Variants in AGXT2 observed in about 807,000 individuals in gnomAD.
AGXT2 encodes alanine--glyoxylate aminotransferase 2, mitochondrial.
Under a neutral mutation model 62.5 loss-of-function variants are expected in AGXT2, and 61 were observed. That is an observed-to-expected ratio of 0.98 (90% CI 0.79 to 1.21). The LOEUF (loss-of-function observed/expected upper bound fraction) is 1.21. Ranked by LOEUF, AGXT2 falls within the 50% of genes most tolerant of loss-of-function variation. The pLI is 0.00. For missense variants in AGXT2, 666 were observed against 641.5 expected (o/e 1.04, Z -0.41); for synonymous variants, 243 against 218.7 (o/e 1.11, Z -0.98).
intron 9 of AGXT2, among the ~76,000 whole-genome samples, chr5:35,018,645 C>A (rs1448179505): frequency 1.3e-5 from 2 of 151,490 alleles, no homozygotes; most frequent in African/African-American, 4.9e-5. Flanking sequence ...ACCATCGAGA[C>A]TAGGAAGAAA....
At chr5:35,034,917 G>A (rs1057303702) in intron 5 of AGXT2, among the ~76,000 whole-genome samples, 8 of 152,118 alleles carry the variant, frequency 5.3e-5, no homozygotes, top group East Asian at 3.9e-4. Flanking sequence ...TGTGGTCCCC[G>A]CCACATCTTC....
At chr5:35,045,981 A>G (rs1003273596) in intron 1 of AGXT2, among the ~76,000 whole-genome samples, 1 of 151,812 alleles carries the variant, frequency 6.6e-6, no homozygotes, top group Non-Finnish European at 1.5e-5. Flanking sequence ...GTTAGCCAGG[A>G]TGGTCTCGAT....
At chr5:35,007,008 G>C (rs911791633) in intron 12 of AGXT2, among the ~76,000 whole-genome samples, 5 of 152,186 alleles carry the variant, frequency 3.3e-5, no homozygotes, top group Admixed American at 2.6e-4. Flanking sequence ...CAGAGTGAAT[G>C]TTTGTGTCCC....
chr5:35,019,051 CA>C (rs1766962546), intron 9 of AGXT2, among the ~76,000 whole-genome samples: 1 of 89,922 alleles, frequency 1.1e-5, no homozygotes, highest in African/African-American at 6.5e-5. Flanking sequence ...GCACCCAATA[CA>C]GGAGCACCCA....
intron 9 of AGXT2, among the ~76,000 whole-genome samples, chr5:35,021,464 CA>C (rs1330774528): frequency 1.3e-5 from 2 of 150,378 alleles, no homozygotes; most frequent in African/African-American, 4.9e-5. Flanking sequence ...GAAAAACAAG[CA>C]ATGGGGAAAG....
At chr5:35,001,956 G>C (rs1054569940) in intron 13 of AGXT2, among the ~76,000 whole-genome samples, 4 of 152,022 alleles carry the variant, frequency 2.6e-5, no homozygotes, top group Admixed American at 6.5e-5. Flanking sequence ...TATTAGGTTG[G>C]TGCAAAAGTA....
chr5:35,022,747 T>TA (rs58539576), intron 9 of AGXT2, among the ~76,000 whole-genome samples: 67,234 of 137,716 alleles, frequency 0.49, 16,772 homozygotes, highest in Non-Finnish European at 0.56. Context: ...AAGAGAGAAG[T>TA]AAAAAAAAAA....
intron 6 of AGXT2, 81 bp from the exon 7 acceptor site, chr5:35,032,906 A>G (rs1281611544): frequency 9.0e-7 from 1 of 1,117,234 alleles, no homozygotes; most frequent in African/African-American, 1.5e-5. Context: ...TGCCATCAAG[A>G]CAAGAGGGCT....
chr5:35,009,637 C>T (rs1159778517), intron 12 of AGXT2, among the ~76,000 whole-genome samples: 1 of 152,126 alleles, frequency 6.6e-6, no homozygotes, highest in Non-Finnish European at 1.5e-5. Flanking sequence ...CTCCTCACCC[C>T]AAACCTTCAC....
At position 35,039,468 on chromosome 5, in the gene AGXT2, T is replaced by C. The variant is rs1032127857; in HGVS notation, c.218A>G (p.His73Arg). The C allele has an allele frequency of 3.7e-6, 6 of 1,614,084 alleles. No individual in the cohort carries two copies. The East Asian group carries it at 8.9e-5, about 24-fold the overall frequency. The change falls in exon 3 of 14, where the codon CAT becomes CGT. Residue 73 changes from histidine (H) to arginine (R), a missense_variant. Transcript: ENST00000231420. ...YNRVLEIHKEHLSPVVTAYFQ... is the reference protein window; with the variant it reads ...YNRVLEIHKERLSPVVTAYFQ... Reference sequence around the variant, plus strand: ...ATATGCCGTCACCACAGGAGAAAGATGTTCCTTGTGGATTTCCAGGACACG... The same window carrying C: ...ATATGCCGTCACCACAGGAGAAAGACGTTCCTTGTGGATTTCCAGGACACG...
intron 11 of AGXT2, among the ~76,000 whole-genome samples, chr5:35,011,455 T>C (rs1462378178): frequency 1.9e-5 from 2 of 103,042 alleles, no homozygotes; most frequent in Middle Eastern, 3.8e-3. Context: ...GCAAGACTCT[T>C]TCTAAAAAAA....
At chr5:35,013,176 ATAG>A in intron 10 of AGXT2, 131 bp from the exon 11 acceptor site, 1 of 819,244 alleles carries the variant, frequency 1.2e-6, no homozygotes. Context: ...CATTCAACTG[ATAG>A]TAGATGTTAG....
In AGXT2 at chr5:35,035,352, T is replaced by G. The variant is rs754429001; in HGVS notation, c.487-36A>C. ...AAGGAAGACACGTGGCCTCATAATT[T>G]ATTTCCTTATTACCCATTCACTTAA... On this transcript the variant is annotated intron_variant, in intron 4 of 13. Coordinates refer to ENST00000231420, the MANE Select transcript of AGXT2 (RefSeq NM_031900.4). The G allele has an allele frequency of 3.2e-6, 5 of 1,553,130 alleles. No individual in the cohort carries two copies. In the Admixed American group the frequency reaches 8.3e-5, roughly 26 times the overall value.
chr5:34,998,759 C>T lies in AGXT2; in HGVS notation c.1505G>A (p.Arg502His), dbSNP rs1240390538. The change falls in exon 14 of 14, where the codon CGT becomes CAT. Residue 502 changes from arginine (R) to histidine (H), a missense_variant. By Grantham distance (29) the Arg-to-His change is conservative. Coordinates refer to ENST00000231420, the MANE Select transcript of AGXT2 (RefSeq NM_031900.4). ...PEVDFAVEVF[R>H]SALTQHMERR... ...TTCCATGTGTTGGGTTAAGGCAGAACGAAATACTTCTACTGCAAAATCAAC... is the reference window on the plus strand; with the variant it reads ...TTCCATGTGTTGGGTTAAGGCAGAATGAAATACTTCTACTGCAAAATCAAC... 14 of 1,613,816 alleles carry T rather than the reference C, an allele frequency of 8.7e-6. No individual in the cohort carries two copies. Among genetic ancestry groups the T allele is most frequent in the Admixed American group, 6.7e-5 (4 of 60,000 alleles).
intron 1 of AGXT2, among the ~76,000 whole-genome samples, chr5:35,043,108 C>A (rs1283229902): frequency 6.6e-6 from 1 of 152,172 alleles, no homozygotes; most frequent in Non-Finnish European, 1.5e-5. Context: ...CAGTTCACTG[C>A]AACTTTATTT....
At chr5:35,038,873 C>A (rs899568688) in intron 3 of AGXT2, among the ~76,000 whole-genome samples, 4 of 152,186 alleles carry the variant, frequency 2.6e-5, no homozygotes, top group African/African-American at 9.7e-5. Context: ...GCATCTGTCT[C>A]TTATCATTCT....
At chr5:35,022,556 CA>C in intron 9 of AGXT2, among the ~76,000 whole-genome samples, 1 of 120,704 alleles carries the variant, frequency 8.3e-6, no homozygotes, top group Non-Finnish European at 1.6e-5. Context: ...GGGAGCATCA[CA>C]GTCTAGGGAC....
intron 7 of AGXT2, among the ~76,000 whole-genome samples, chr5:35,029,256 G>A (rs75507118): frequency 0.034 from 5,116 of 152,208 alleles, 117 homozygotes; most frequent in Admixed American, 0.05. Flanking sequence ...AGCTTCAGAT[G>A]ACCCTAAAAG....
intron 1 of AGXT2, among the ~76,000 whole-genome samples, chr5:35,042,098 A>G (rs37374): frequency 0.34 from 52,343 of 152,042 alleles, 9,351 homozygotes; most frequent in South Asian, 0.45. Context: ...TCATTTTTCT[A>G]TCTGCAAAAT....
Sources: allele counts gnomAD v4.1 joint callset (sites outside exome capture counted in the v4.1 genomes callset), GRCh38; gene constraint gnomAD v4.1.1; transcripts MANE v1.5; gene names NCBI Gene and HGNC (gene_info 2026-07-23, HGNC 2026-07-21).